Variants in COL5A2 observed in about 807,000 individuals in gnomAD.
COL5A2 encodes collagen alpha-2(V) chain.
Under a neutral mutation model 208.2 loss-of-function variants are expected in COL5A2, and 23 were observed. The ratio of observed to expected loss-of-function variants is 0.11; its 90% CI spans 0.08 to 0.16. The LOEUF is 0.16. Ranked by LOEUF, COL5A2 falls within the 10% of genes least tolerant of loss-of-function variation. The pLI, the probability that COL5A2 is intolerant of heterozygous loss-of-function variation, is 1.00. For synonymous variants in COL5A2, 625 were observed against 628.5 expected (o/e 0.99, Z 0.08); for missense variants, 1,590 against 1,956.4 (o/e 0.81, Z 3.53).
chr2:189,111,772 T>C (rs766437177), intron 1 of COL5A2, among the ~76,000 whole-genome samples: 1 of 152,194 alleles, frequency 6.6e-6, no homozygotes, highest in Non-Finnish European at 1.5e-5. Flanking sequence ...TGAGTATTAA[T>C]TTTTTATTTT....
At chr2:189,308,390 T>C in the COL5A2 span, among the ~76,000 whole-genome samples, 1 of 152,102 alleles carries the variant, frequency 6.6e-6, no homozygotes, top group Non-Finnish European at 1.5e-5. Context: ...TAGCATCACA[T>C]AACAGATAGC....
At chr2:189,261,049 T>G in the COL5A2 span, among the ~76,000 whole-genome samples, 1 of 152,304 alleles carries the variant, frequency 6.6e-6, no homozygotes, top group Non-Finnish European at 1.5e-5. Context: ...TTTATAATTA[T>G]TTTTAAATCC....
At chr2:189,278,361 G>A in the COL5A2 span, among the ~76,000 whole-genome samples, 2 of 152,072 alleles carry the variant, frequency 1.3e-5, no homozygotes, top group African/African-American at 4.8e-5. Flanking sequence ...TTTGATGGAG[G>A]ATAGTGAATG....
intron 1 of COL5A2, among the ~76,000 whole-genome samples, chr2:189,211,754 G>A (rs1338238467): frequency 6.6e-6 from 1 of 152,194 alleles, no homozygotes; most frequent in African/African-American, 2.4e-5. Flanking sequence ...CTGTGAAGAT[G>A]ACAGATACAG....
At chr2:189,204,984 T>C (rs955961699) in intron 1 of COL5A2, among the ~76,000 whole-genome samples, 2 of 152,200 alleles carry the variant, frequency 1.3e-5, no homozygotes, top group Admixed American at 6.5e-5. Flanking sequence ...TCTGTAGTTT[T>C]TCACACCTGG....
At chr2:189,051,161 A>C (rs1370694613) in intron 42 of COL5A2, among the ~76,000 whole-genome samples, 159 bp downstream of exon 42, 1 of 152,180 alleles carries the variant, frequency 6.6e-6, no homozygotes. Context: ...CTATATATAT[A>C]CACGTTTTTC....
intron 16 of COL5A2, among the ~76,000 whole-genome samples, chr2:189,077,658 A>G (rs555441750): frequency 3.9e-5 from 6 of 152,198 alleles, no homozygotes; most frequent in African/African-American, 1.4e-4. Context: ...CCCTTAGGAC[A>G]CTCTGCTTAC....
the COL5A2 span, among the ~76,000 whole-genome samples, chr2:189,369,963 G>T: frequency 4.6e-5 from 7 of 152,232 alleles, no homozygotes; most frequent in African/African-American, 1.7e-4. Context: ...AATTTATTGG[G>T]CAGGTAATAA....
At chr2:189,119,974 A>G (rs1264063339) in intron 1 of COL5A2, among the ~76,000 whole-genome samples, 1 of 152,138 alleles carries the variant, frequency 6.6e-6, no homozygotes, top group Non-Finnish European at 1.5e-5. Context: ...CAGATAAGAA[A>G]TATTTAAAGA....
At chr2:189,180,406 T>C (rs991894155), upstream of COL5A2, among the ~76,000 whole-genome samples, 6 of 152,168 alleles carry the variant, frequency 3.9e-5, no homozygotes, top group South Asian at 1.2e-3. Flanking sequence ...CCACATCTCT[T>C]GTTAAGGGGC....
At chr2:189,060,656 G>C (rs1359690245) in intron 31 of COL5A2, 74 bp downstream of exon 31, 19 of 1,241,786 alleles carry the variant, frequency 1.5e-5, no homozygotes, top group Non-Finnish European at 2.1e-5. Context: ...AAGCACAACA[G>C]AGCCTCACAC....
chr2:189,305,159 T>G, the COL5A2 span, among the ~76,000 whole-genome samples: 7 of 152,320 alleles, frequency 4.6e-5, no homozygotes, highest in African/African-American at 1.7e-4. Flanking sequence ...ATAATTGCTA[T>G]CCACTTGGTA....
At chr2:189,089,066 G>A (rs925172821) in intron 7 of COL5A2, among the ~76,000 whole-genome samples, 1 of 152,286 alleles carries the variant, frequency 6.6e-6, no homozygotes, top group East Asian at 1.9e-4. Flanking sequence ...ATAAGCACTA[G>A]CCAGTCTAAT....
chr2:189,438,905 T>C, the COL5A2 span, among the ~76,000 whole-genome samples: 2 of 152,202 alleles, frequency 1.3e-5, no homozygotes, highest in Admixed American at 6.5e-5. Flanking sequence ...GGAGACCCTA[T>C]GAACTGGCCT....
intron 48 of COL5A2, 115 bp downstream of exon 48, chr2:189,043,036 A>T: frequency 1.2e-6 from 1 of 851,942 alleles, no homozygotes; most frequent in East Asian, 2.6e-5. Context: ...TATTCTTTGA[A>T]CTGAAAATAA....
At chr2:189,402,156 A>T in the COL5A2 span, among the ~76,000 whole-genome samples, 2 of 151,992 alleles carry the variant, frequency 1.3e-5, no homozygotes, top group African/African-American at 4.8e-5. Context: ...CTATGTCCTG[A>T]ATGGTATTGC....
At chr2:189,406,223 T>A in the COL5A2 span, among the ~76,000 whole-genome samples, 1 of 152,190 alleles carries the variant, frequency 6.6e-6, no homozygotes, top group African/African-American at 2.4e-5. Flanking sequence ...AATTTTAATC[T>A]CATTTTAGTT....
the COL5A2 span, among the ~76,000 whole-genome samples, chr2:189,360,562 T>C: frequency 3.9e-5 from 6 of 152,220 alleles, no homozygotes; most frequent in African/African-American, 1.4e-4. Flanking sequence ...CCATTATTGA[T>C]TTCCAGTTTA....
the COL5A2 span, among the ~76,000 whole-genome samples, chr2:189,427,329 T>G: frequency 6.6e-6 from 1 of 151,780 alleles, no homozygotes; most frequent in East Asian, 1.9e-4. Flanking sequence ...AGTCCAAGAG[T>G]TGAGGCTTGG....
Sources: gnomAD v4.1 joint callset for allele counts (sites outside exome capture counted in the v4.1 genomes callset) on GRCh38, gnomAD v4.1.1 for gene constraint, MANE v1.5 for transcripts, NCBI Gene and HGNC (gene_info 2026-07-23, HGNC 2026-07-21) for gene names.